The following HIVEP3 variants were observed in gnomAD, a reference collection of about 807,000 sequenced individuals.
HIVEP3 encodes transcription factor HIVEP3.
Under a neutral mutation model 152.8 loss-of-function variants are expected in HIVEP3, and 49 were observed. The observed-to-expected ratio is 0.32, with a 90% CI of 0.26 to 0.41. The LOEUF is 0.41. Among genes scored for constraint, HIVEP3 ranks in the 10% least tolerant of loss-of-function variants. HIVEP3 has a pLI of 1.00. For missense variants in HIVEP3, 2,790 were observed against 3,103.3 expected (o/e 0.90, Z 2.40); for synonymous variants, 1,269 against 1,289.0 (o/e 0.98, Z 0.33).
At chr1:41,832,676 C>A (rs1341674007) in intron 1 of HIVEP3, among the ~76,000 whole-genome samples, 1 of 152,228 alleles carries the variant, frequency 6.6e-6, no homozygotes, top group Non-Finnish European at 1.5e-5. Context: ...TGGTGCCTGG[C>A]ACATAGTAGA....
At chr1:41,819,328 T>C (rs1294579810) in intron 1 of HIVEP3, among the ~76,000 whole-genome samples, 1 of 152,164 alleles carries the variant, frequency 6.6e-6, no homozygotes, top group Non-Finnish European at 1.5e-5. Context: ...CATTTGTCTT[T>C]TTTTTTTCTT....
At chr1:41,709,280 G>A (rs974226796) in intron 1 of HIVEP3, among the ~76,000 whole-genome samples, 12 of 152,176 alleles carry the variant, frequency 7.9e-5, no homozygotes, top group Admixed American at 2.0e-4. Context: ...GTCCCTTGTA[G>A]TTAGCTTTCT....
At chr1:41,929,605 G>A (rs1644985351) in intron 1 of HIVEP3, among the ~76,000 whole-genome samples, 1 of 151,742 alleles carries the variant, frequency 6.6e-6, no homozygotes, top group Non-Finnish European at 1.5e-5. Context: ...TAGTGCTACA[G>A]TGCTACAGGC....
intron 1 of HIVEP3, among the ~76,000 whole-genome samples, chr1:41,711,688 C>T (rs557910591): frequency 1.8e-4 from 27 of 152,360 alleles, no homozygotes; most frequent in Admixed American, 6.5e-4. Flanking sequence ...CCTCGTCCTT[C>T]CTGCTACCCC....
chr1:41,927,178 A>G (rs1644972444), intron 1 of HIVEP3, among the ~76,000 whole-genome samples: 2 of 152,222 alleles, frequency 1.3e-5, no homozygotes, highest in Admixed American at 1.3e-4. Flanking sequence ...AGTGTGGTGT[A>G]GCACAAATGA....
At chr1:41,798,705 T>C (rs916098627) in intron 1 of HIVEP3, among the ~76,000 whole-genome samples, 1 of 152,174 alleles carries the variant, frequency 6.6e-6, no homozygotes, top group Non-Finnish European at 1.5e-5. Flanking sequence ...TGTTAAATAA[T>C]CTATTGTGTG....
chr1:41,905,323 C>T (rs911479927), intron 1 of HIVEP3, among the ~76,000 whole-genome samples: 1 of 152,194 alleles, frequency 6.6e-6, no homozygotes, highest in African/African-American at 2.4e-5. Flanking sequence ...GAAACAAGCA[C>T]TCTCCATGCA....
chr1:42,022,988 A>T (rs1249133264), intron 1 of HIVEP3, among the ~76,000 whole-genome samples: 1 of 151,882 alleles, frequency 6.6e-6, no homozygotes, highest in Non-Finnish European at 1.5e-5. Flanking sequence ...TTCTTTTAAA[A>T]TTTTTCTATT....
intron 5 of HIVEP3, among the ~76,000 whole-genome samples, chr1:41,531,868 CA>C (rs1230046186): frequency 0.028 from 1,681 of 59,034 alleles, 2 homozygotes; most frequent in East Asian, 0.067. Flanking sequence ...AGATGGAGGA[CA>C]GGAGAGATGG....
Position 41,580,546 on chromosome 1 carries a change from G to A in HIVEP3, c.4252C>T (p.Leu1418=). The change falls in exon 4 of 9, where the codon CTG becomes TTG. Residue 1418 remains leucine (L), a synonymous_variant. Coordinates refer to ENST00000372583, the MANE Select transcript of HIVEP3 (RefSeq NM_024503.5). ...TSLSSESILS[L]EGSSSTAGGS... The stretch of plus-strand genomic sequence containing the variant: ...CCTGCTGTTGATGAACTCCCCTCCA[G>A]GCTCAAGATACTCTCTGATGACAGG... 1 of 1,614,208 alleles carries A rather than the reference G, an allele frequency of 6.2e-7. No homozygotes were observed.
intron 1 of HIVEP3, chr1:41,847,957 A>G (rs1643488423): frequency 1.3e-5 from 2 of 152,386 alleles, no homozygotes; most frequent in Admixed American, 1.3e-4. Context: ...CCCGTTAACA[A>G]TGAAACAGAT....
intron 5 of HIVEP3, among the ~76,000 whole-genome samples, chr1:41,547,593 G>A (rs536941233): frequency 6.6e-6 from 1 of 152,302 alleles, no homozygotes; most frequent in Admixed American, 6.5e-5. Context: ...GCAGCCTCCG[G>A]CACTCTGGAG....
intron 1 of HIVEP3, among the ~76,000 whole-genome samples, chr1:41,757,192 T>G (rs1202642179): frequency 6.6e-6 from 1 of 151,238 alleles, no homozygotes; most frequent in Non-Finnish European, 1.5e-5. Context: ...CTCGGCTCAC[T>G]GCAAGCTCTG....
intron 1 of HIVEP3, among the ~76,000 whole-genome samples, chr1:41,795,400 G>A (rs568740638): frequency 2.0e-5 from 3 of 152,172 alleles, no homozygotes; most frequent in Non-Finnish European, 4.4e-5. Context: ...CTGAGGTCAC[G>A]TGATACCAAC....
At chr1:41,719,184 G>A (rs1646641427) in intron 1 of HIVEP3, among the ~76,000 whole-genome samples, 1 of 152,216 alleles carries the variant, frequency 6.6e-6, no homozygotes, top group African/African-American at 2.4e-5. Context: ...GAGCTTTGAA[G>A]GATGGGGAGG....
chr1:41,951,311 A>T (rs1462020695), intron 1 of HIVEP3, among the ~76,000 whole-genome samples: 2 of 152,230 alleles, frequency 1.3e-5, no homozygotes, highest in Admixed American at 1.3e-4. Context: ...GGCCAAAAAG[A>T]TAGCACACTG....
chr1:41,979,021 C>T (rs922523018), intron 1 of HIVEP3, among the ~76,000 whole-genome samples: 2 of 152,106 alleles, frequency 1.3e-5, no homozygotes, highest in African/African-American at 4.8e-5. Context: ...GCCAGGGACC[C>T]GATTCCCCAG....
intron 1 of HIVEP3, among the ~76,000 whole-genome samples, chr1:41,945,529 T>C (rs1468287825): frequency 6.6e-6 from 1 of 152,168 alleles, no homozygotes; most frequent in Non-Finnish European, 1.5e-5. Context: ...CCGCCATAAC[T>C]GCAGGCCGAG....
intron 2 of HIVEP3, among the ~76,000 whole-genome samples, chr1:41,646,672 C>A (rs1319486214): frequency 2.0e-5 from 3 of 152,224 alleles, no homozygotes; most frequent in Non-Finnish European, 4.4e-5. Flanking sequence ...ACTACAGAGT[C>A]CTCTGCCTCC....
Sources: gnomAD v4.1 joint callset for allele counts (sites outside exome capture counted in the v4.1 genomes callset) on GRCh38, gnomAD v4.1.1 for gene constraint, MANE v1.5 for transcripts, NCBI Gene and HGNC (gene_info 2026-07-23, HGNC 2026-07-21) for gene names.